CTNNA3: variants seen among roughly 807,000 people sequenced by gnomAD.
CTNNA3 encodes catenin alpha 3.
Under a neutral mutation model 95.7 loss-of-function variants are expected in CTNNA3, and 76 were observed. The ratio of observed to expected loss-of-function variants is 0.79; its 90% CI spans 0.66 to 0.96. The LOEUF is 0.96. CTNNA3 is among the 40% of genes least tolerant of loss of function. The probability of loss-of-function intolerance (pLI) is 0.00; values close to 1 mark genes in which losing one functional copy is unlikely to be tolerated. For synonymous variants in CTNNA3, 431 were observed against 374.4 expected, an observed-to-expected ratio of 1.15 and a Z score of -1.74; for missense variants, 1,191 against 1,089.8, an observed-to-expected ratio of 1.09 and a Z score of -1.31.
intron 17 of CTNNA3, among the ~76,000 whole-genome samples, chr10:65,942,888 A>T (rs1407300403): frequency 6.6e-6 from 1 of 152,184 alleles, no homozygotes; most frequent in African/African-American, 2.4e-5. Context: ...GTTTTGCCTC[A>T]GGTTTTAATT....
At chr10:67,483,310 A>G (rs1224986877) in intron 5 of CTNNA3, among the ~76,000 whole-genome samples, 1 of 144,240 alleles carries the variant, frequency 6.9e-6, no homozygotes, top group Non-Finnish European at 1.5e-5. Flanking sequence ...ATAAAGACAC[A>G]TGCACACATA....
At chr10:66,441,021 CA>C (rs1484124788) in intron 11 of CTNNA3, among the ~76,000 whole-genome samples, 1 of 151,970 alleles carries the variant, frequency 6.6e-6, no homozygotes, top group Non-Finnish European at 1.5e-5. Context: ...CCAAGCCAGG[CA>C]CAAAAAACAG....
At chr10:67,208,938 TTAAAA>T in intron 6 of CTNNA3, among the ~76,000 whole-genome samples, 1 of 152,244 alleles carries the variant, frequency 6.6e-6, no homozygotes, top group East Asian at 1.9e-4. Context: ...GTAGACACTA[TTAAAA>T]TAAAGAGGAA....
chr10:67,095,556 TTG>T (rs1222333388), intron 7 of CTNNA3, among the ~76,000 whole-genome samples: 1 of 151,774 alleles, frequency 6.6e-6, no homozygotes, highest in Admixed American at 6.6e-5. Flanking sequence ...AAGCAGGAAA[TTG>T]TGTGTGCACA....
intron 9 of CTNNA3, among the ~76,000 whole-genome samples, chr10:66,724,909 A>T (rs1848734555): frequency 6.6e-6 from 1 of 152,186 alleles, no homozygotes; most frequent in South Asian, 2.1e-4. Context: ...AGAAATATAC[A>T]GTCATTACTC....
chr10:66,346,025 C>T (rs563653297), intron 12 of CTNNA3, among the ~76,000 whole-genome samples: 19 of 141,384 alleles, frequency 1.3e-4, no homozygotes, highest in Non-Finnish European at 2.0e-4. Flanking sequence ...TGCAGTGAGC[C>T]GAGATCGCAC....
At chr10:66,989,434 T>C (rs1850921033) in intron 7 of CTNNA3, among the ~76,000 whole-genome samples, 1 of 152,204 alleles carries the variant, frequency 6.6e-6, no homozygotes. Flanking sequence ...ATTAGACTAC[T>C]TTAATAGCTG....
In CTNNA3 at chr10:66,672,117, T is replaced by C. The variant is rs1846682678; in HGVS notation, c.1282-50333A>G. ...CAACAGAGAGAATGGAGGAAGGGGC[T>C]GAAGAGTCCCTACAGAACTCCAGCA... On this transcript the variant is annotated intron_variant, in intron 9 of 17. Transcript: ENST00000433211. 1.3e-5 allele frequency among the ~76,000 whole-genome samples: 2 copies of C among 152,108 alleles called. 1 individual carries two copies. Among genetic ancestry groups the C allele is most frequent in the African/African-American group, 4.8e-5 (2 of 41,436 alleles).
At chr10:67,220,275 A>T (rs930397503) in intron 5 of CTNNA3, among the ~76,000 whole-genome samples, 1 of 152,362 alleles carries the variant, frequency 6.6e-6, no homozygotes, top group South Asian at 2.1e-4. Context: ...CTCCGTTAAA[A>T]TTAGACCAAT....
At chr10:66,498,220 G>A (rs1188989819) in intron 11 of CTNNA3, among the ~76,000 whole-genome samples, 1 of 151,882 alleles carries the variant, frequency 6.6e-6, no homozygotes, top group Non-Finnish European at 1.5e-5. Context: ...TAATAGTAAG[G>A]AACCTATACA....
intron 13 of CTNNA3, among the ~76,000 whole-genome samples, chr10:66,185,584 G>C (rs1339688541): frequency 1.3e-5 from 2 of 152,018 alleles, no homozygotes; most frequent in African/African-American, 4.8e-5. Context: ...TATTCACAGA[G>C]AAGCTTGCTC....
chr10:66,863,207 A>ACG (rs1316536899), intron 7 of CTNNA3, among the ~76,000 whole-genome samples: 4 of 141,672 alleles, frequency 2.8e-5, no homozygotes, highest in Non-Finnish European at 6.4e-5. Context: ...ACACACACAC[A>ACG]CACGCACACA....
Position 66,599,389 on chromosome 10 carries a change from A to T in CTNNA3, c.1374+22303T>A, listed in dbSNP as rs535587139. On this transcript the variant is annotated intron_variant, in intron 10 of 17. Coordinates refer to ENST00000433211, the MANE Select transcript of CTNNA3 (RefSeq NM_013266.4). ...GTATTCGCTTAAGAGAAAAACCATGAATTATTTCTGGAATGCTGACAGACA... is the reference window on the plus strand; with the variant it reads ...GTATTCGCTTAAGAGAAAAACCATGTATTATTTCTGGAATGCTGACAGACA... 5.9e-5 allele frequency among the ~76,000 whole-genome samples: 9 copies of T among 152,150 alleles called. No individual in the cohort carries two copies. The East Asian group carries it at 1.5e-3, about 26-fold the overall frequency.
intron 1 of CTNNA3, among the ~76,000 whole-genome samples, chr10:67,744,674 G>A (rs1306457194): frequency 6.6e-6 from 1 of 150,962 alleles, no homozygotes; most frequent in Non-Finnish European, 1.5e-5. Context: ...AAACTAAAGA[G>A]TTTCTGCACA....
rs184001516 is a variant in CTNNA3 at position 66,832,795 on chromosome 10, G to C, written c.1048-57271C>G. The stretch of plus-strand genomic sequence containing the variant: ...TAAATGACCCTAGCAAGGTGACACC[G>C]TGAGACATTGGCAGAGTGAGGACCA... On this transcript the variant is annotated intron_variant, in intron 7 of 17. Coordinates refer to ENST00000433211, the MANE Select transcript of CTNNA3 (RefSeq NM_013266.4). Among the ~76,000 whole-genome samples, 227 of 152,200 alleles carry C rather than the reference G, an allele frequency of 1.5e-3. 1 individual carries two copies. Among genetic ancestry groups the C allele is most frequent in the Non-Finnish European group, 2.6e-3 (178 of 68,014 alleles).
intron 3 of CTNNA3, among the ~76,000 whole-genome samples, chr10:67,566,073 A>ATATATATATATATATATATAT: frequency 9.4e-6 from 1 of 106,180 alleles, no homozygotes; most frequent in Admixed American, 1.0e-4. Context: ...ATATATATAT[A>ATATATATATATATATATATAT]CAAAACCTAG....
At chr10:67,582,557 T>C (rs1842444816) in intron 3 of CTNNA3, among the ~76,000 whole-genome samples, 1 of 152,210 alleles carries the variant, frequency 6.6e-6, no homozygotes, top group Admixed American at 6.5e-5. Flanking sequence ...TGGAGAGCTC[T>C]GTAGATGTCT....
rs979032167 is a variant in CTNNA3 at position 66,967,126 on chromosome 10, C to A, written c.1048-191602G>T. Among the ~76,000 whole-genome samples the A allele has an allele frequency of 4.2e-4, 64 of 152,018 alleles. 1 individual carries two copies. Among genetic ancestry groups the A allele is most frequent in the African/African-American group, 1.4e-3 (58 of 41,454 alleles). ...AACGTTGATGGTTCTGCTAATGAAA[C>A]AATGGTTATAGCAAAAAATAGACTA... On this transcript the variant is annotated intron_variant, in intron 7 of 17. Coordinates refer to ENST00000433211, the MANE Select transcript of CTNNA3 (RefSeq NM_013266.4).
chr10:66,507,234 T>C (rs1840480509), intron 11 of CTNNA3, among the ~76,000 whole-genome samples: 2 of 152,268 alleles, frequency 1.3e-5, no homozygotes, highest in South Asian at 4.2e-4. Flanking sequence ...ACTTGACACA[T>C]AATAAGTGAA....
Sources: gnomAD v4.1 joint callset for allele counts (sites outside exome capture counted in the v4.1 genomes callset) on GRCh38, gnomAD v4.1.1 for gene constraint, MANE v1.5 for transcripts, NCBI Gene and HGNC (gene_info 2026-07-23, HGNC 2026-07-21) for gene names.